The following MND1 variants were observed in gnomAD, a reference collection of about 807,000 sequenced individuals.
MND1 encodes the protein meiotic nuclear division protein 1 homolog.
MND1 carries 28 observed loss-of-function variants against 35.1 expected under a neutral mutation model. The ratio of observed to expected loss-of-function variants is 0.80; its 90% CI spans 0.59 to 1.09. The LOEUF (loss-of-function observed/expected upper bound fraction) is 1.09, where lower values mean the gene tolerates loss of function less well. Ranked by LOEUF, MND1 falls within the 50% of genes least tolerant of loss-of-function variation. MND1 has a pLI of 0.00. For synonymous variants in MND1, 69 were observed against 70.5 expected, an observed-to-expected ratio of 0.98 and a Z score of 0.11; for missense variants, 213 against 239.6, an observed-to-expected ratio of 0.89 and a Z score of 0.73.
rs371779146 is a variant in MND1, at chr4:153,406,845, AAG to A, written c.467-2123_467-2122del. Reference sequence around the variant, plus strand: ...CTGAGACTTGGCAATTTACAAAAGAAAGAGGTTTATTGGACTTACGGTGCCAC... The same window carrying A: ...CTGAGACTTGGCAATTTACAAAAGAAAGGTTTATTGGACTTACGGTGCCAC... On this transcript the variant is annotated intron_variant, in intron 6 of 7. Coordinates refer to ENST00000240488, the MANE Select transcript of MND1 (RefSeq NM_032117.4). Among the ~76,000 whole-genome samples the A allele has an allele frequency of 4.5e-3, 688 of 152,364 alleles. 3 individuals are homozygous for A. Among genetic ancestry groups the A allele is most frequent in the African/African-American group, 0.016 (647 of 41,584 alleles).
chr4:153,364,979 G>A (rs1292971942), intron 4 of MND1, among the ~76,000 whole-genome samples: 1 of 152,096 alleles, frequency 6.6e-6, no homozygotes, highest in Admixed American at 6.5e-5. Flanking sequence ...ACATATATGA[G>A]GTATCTAGAG....
chr4:153,352,723 G>A (rs1049387378), intron 2 of MND1, among the ~76,000 whole-genome samples: 2 of 134,248 alleles, frequency 1.5e-5, no homozygotes, highest in Non-Finnish European at 1.5e-5. Flanking sequence ...CTCTAGCCCA[G>A]GTAACAGAGT....
In MND1 at chr4:153,397,319, T is replaced by C; in HGVS notation, c.452T>C (p.Val151Ala). 6.2e-7 allele frequency: 1 copy of C among 1,610,918 alleles called. No homozygotes were observed. The highest frequency in any genetic ancestry group is 1.1e-5 in the South Asian group (1 of 90,514). The change falls in exon 6 of 8, where the codon GTT (valine) becomes GCT (alanine). Residue 151 changes from valine to alanine, a missense_variant. Transcript: ENST00000240488. ...AAATACAAAGACTGTGATCCGCAAG[T>C]TGTGGAAGAAATACGTAAGTTTGTG... ...VEKYKDCDPQ[V>A]VEEIRQANKV... is the part of the protein sequence containing the mutation.
Position 153,414,812 on chromosome 4 carries a change from T to A in MND1, c.573T>A (p.Ile191=). ...KRKFGFEENK[I]DRTFGIPEDF... is the part of the protein sequence containing the mutation. Reference sequence around the variant, plus strand: ...AATTTGGGTTTGAAGAAAATAAAATTGATAGAACTTTTGGAATTCCAGAAG... The same window carrying A: ...AATTTGGGTTTGAAGAAAATAAAATAGATAGAACTTTTGGAATTCCAGAAG... Residue 191 remains isoleucine, a synonymous_variant, in exon 8 of 8, where the codon ATT becomes ATA. Transcript: ENST00000240488. 1 of 1,563,974 alleles carries A rather than the reference T, an allele frequency of 6.4e-7. No homozygotes were observed.
intron 4 of MND1, among the ~76,000 whole-genome samples, chr4:153,376,662 T>C (rs1298853413): frequency 6.6e-6 from 1 of 152,186 alleles, no homozygotes; most frequent in Admixed American, 6.5e-5. Flanking sequence ...GCACATTTTT[T>C]AGTCTTTTTC....
chr4:153,407,455 C>T (rs895955983), intron 6 of MND1, among the ~76,000 whole-genome samples: 2 of 151,896 alleles, frequency 1.3e-5, no homozygotes, highest in South Asian at 4.2e-4. Flanking sequence ...GAGCAAAACT[C>T]CATCTCAAAA....
chr4:153,354,337 C>G (rs1239152445), intron 2 of MND1, among the ~76,000 whole-genome samples: 1 of 152,144 alleles, frequency 6.6e-6, no homozygotes, highest in Admixed American at 6.5e-5. Context: ...TGACAGTTGC[C>G]TGTTTCGCTT....
chr4:153,366,880 A>G (rs1773649238), intron 4 of MND1, among the ~76,000 whole-genome samples: 1 of 152,236 alleles, frequency 6.6e-6, no homozygotes, highest in African/African-American at 2.4e-5. Context: ...TGAGACACAG[A>G]GAGATTAAGA....
intron 4 of MND1, among the ~76,000 whole-genome samples, chr4:153,368,990 G>A (rs192985707): frequency 6.6e-6 from 1 of 152,184 alleles, no homozygotes; most frequent in Non-Finnish European, 1.5e-5. Context: ...GGTACATCTG[G>A]CTCAAGGCCT....
chr4:153,396,889 A>G (rs1466600507), intron 5 of MND1, among the ~76,000 whole-genome samples: 1 of 149,818 alleles, frequency 6.7e-6, no homozygotes, highest in East Asian at 1.9e-4. Context: ...CTCAAAAAGT[A>G]GTATAATTTT....
chr4:153,354,489 T>TTTTTG (rs372695915), intron 2 of MND1, among the ~76,000 whole-genome samples: 8 of 152,198 alleles, frequency 5.3e-5, no homozygotes, highest in South Asian at 2.1e-4. Flanking sequence ...TTTGTTATTG[T>TTTTTG]TTTTGTTTTG....
intron 6 of MND1, among the ~76,000 whole-genome samples, chr4:153,408,361 G>A (rs1393004590): frequency 6.6e-6 from 1 of 152,116 alleles, no homozygotes; most frequent in Non-Finnish European, 1.5e-5. Context: ...AATTAAAAAT[G>A]CCATCATTGT....
chr4:153,413,740 A>G (rs1338362633), intron 7 of MND1, among the ~76,000 whole-genome samples: 1 of 151,220 alleles, frequency 6.6e-6, no homozygotes, highest in African/African-American at 2.4e-5. Flanking sequence ...TCCCCAGTGC[A>G]GCCACTGTGA....
chr4:153,381,685 TA>T (rs1728699840), intron 4 of MND1: 1 of 25,696 alleles, frequency 3.9e-5, no homozygotes, highest in Non-Finnish European at 7.8e-5. Flanking sequence ...TATATATATA[TA>T]TATATATTTT....
At chr4:153,366,057 T>C (rs1016338738) in intron 4 of MND1, among the ~76,000 whole-genome samples, 2 of 152,234 alleles carry the variant, frequency 1.3e-5, no homozygotes, top group African/African-American at 4.8e-5. Context: ...CTCCAGAGGC[T>C]CTCTGGGATA....
chr4:153,352,165 CACTT>C (rs576276951), intron 2 of MND1, among the ~76,000 whole-genome samples: 137 of 152,262 alleles, frequency 9.0e-4, no homozygotes, highest in African/African-American at 3.2e-3. Context: ...CTTCAGCAAA[CACTT>C]AAATGAGTAG....
chr4:153,366,300 G>A (rs1203615917), intron 4 of MND1, among the ~76,000 whole-genome samples: 1 of 152,144 alleles, frequency 6.6e-6, no homozygotes, highest in African/African-American at 2.4e-5. Context: ...GCCACATAAG[G>A]TGCCATTCAC....
chr4:153,355,663 T>C lies in MND1; in HGVS notation c.79T>C (p.Phe27Leu). 6.3e-7 allele frequency: 1 copy of C among 1,577,560 alleles called. No individual in the cohort carries two copies. The highest frequency in any genetic ancestry group is 8.7e-7 in the Non-Finnish European group (1 of 1,148,578). ...AAAACCCTTTAAACAGAAAGATGTATTTCAATTAAAAGACTTGGAGAAGAT... is the reference window on the plus strand; with the variant it reads ...AAAACCCTTTAAACAGAAAGATGTACTTCAATTAAAAGACTTGGAGAAGAT... ...MEIFSETKDV[F>L]QLKDLEKIAP... is the part of the protein sequence containing the mutation. The change falls in exon 3 of 8, where the codon TTT becomes CTT. Residue 27 changes from phenylalanine (F) to leucine (L), a missense_variant. Coordinates refer to ENST00000240488, the MANE Select transcript of MND1 (RefSeq NM_032117.4).
Position 153,344,746 on chromosome 4 carries a change from G to A in MND1, c.3+6G>A, listed in dbSNP as rs377116303. 3.1e-4 allele frequency: 489 copies of A among 1,601,136 alleles called. 1 individual carries two copies. Among genetic ancestry groups the A allele is most frequent in the South Asian group, 1.3e-3 (114 of 89,060 alleles). ...GCCCCTGCGCCCGCGCCATGGTAAGGACTGAGGCTACGGTCCCGCGTCTTC... is the reference window on the plus strand; with the variant it reads ...GCCCCTGCGCCCGCGCCATGGTAAGAACTGAGGCTACGGTCCCGCGTCTTC... On this transcript the variant is annotated splice_donor_region_variant and intron_variant, in intron 1 of 7. Transcript: ENST00000240488.
Sources: gnomAD v4.1 joint callset for allele counts (sites outside exome capture counted in the v4.1 genomes callset) on GRCh38, gnomAD v4.1.1 for gene constraint, MANE v1.5 for transcripts, NCBI Gene and HGNC (gene_info 2026-07-23, HGNC 2026-07-21) for gene names.